Variants in AIFM3 observed in about 807,000 individuals in gnomAD.
The protein encoded by AIFM3 is apoptosis-inducing factor 3.
A neutral mutation model predicts 82.7 loss-of-function variants in AIFM3; 71 were observed. The ratio of observed to expected loss-of-function variants is 0.86; its 90% CI spans 0.71 to 1.05. The LOEUF is 1.05. Among genes scored for constraint, AIFM3 ranks in the 50% least tolerant of loss-of-function variants. The pLI is 0.00. For missense variants in AIFM3, 748 were observed against 816.7 expected (o/e 0.92, Z 1.03); for synonymous variants, 337 against 329.1 (o/e 1.02, Z -0.26).
In AIFM3 at chr22:20,981,322, A is replaced by G. The variant is rs367851; in HGVS notation, c.*291A>G. On this transcript the variant is annotated 3_prime_UTR_variant, in exon 21 of 21. Transcript: ENST00000440238. ...CCCTGAAGAACCCTGCAACACGTTA[A>G]ACATTACCGTAAAATTAAAACGCAC... The G allele has an allele frequency of 0.99, 472,761 of 475,358 alleles. 235,119 individuals are homozygous for G. Among genetic ancestry groups the G allele is most frequent in the African/African-American group, 1 (51,372 of 51,438 alleles). The allele number at this position is 475,358 out of a possible 1,614,324, so 29.4% of individuals were successfully genotyped here. A position where few individuals can be genotyped will look rare whatever the true frequency, so the allele number is the denominator to read the frequency against.
intron 1 of AIFM3, 32 bp from the exon 2 acceptor site, chr22:20,967,773 C>A: frequency 1.5e-6 from 1 of 666,118 alleles, no homozygotes; most frequent in South Asian, 1.7e-5. Flanking sequence ...GCCCACACGC[C>A]CCGGTCCTGA....
rs757449518 is a variant in AIFM3 at position 20,967,872 on chromosome 22, T to TG, written c.-67dup. Reference sequence around the variant, plus strand: ...AAGGCCTGCAGGGGGTCCAGCCCCATGGGGGGCGCCCTAGGCCTCCGACAG... The same window carrying TG: ...AAGGCCTGCAGGGGGTCCAGCCCCATGGGGGGGCGCCCTAGGCCTCCGACAG... On this transcript the variant is annotated 5_prime_UTR_variant, in exon 2 of 21. An upstream open reading frame in the 5' UTR loses its in-frame stop. Transcript: ENST00000440238. The TG allele has an allele frequency of 1.1e-5, 18 of 1,567,568 alleles. No individual in the cohort carries two copies. The highest frequency in any genetic ancestry group is 1.6e-5 in the Non-Finnish European group (18 of 1,138,700).
rs774288871 is a variant in AIFM3, at chr22:20,973,483, G to C, written c.208G>C (p.Ala70Pro). 1.2e-6 allele frequency: 2 copies of C among 1,612,912 alleles called. No individual in the cohort carries two copies. Among genetic ancestry groups the C allele is most frequent in the Non-Finnish European group, 1.7e-6 (2 of 1,179,982 alleles). The stretch of plus-strand genomic sequence containing the variant: ...CCCCAGCCCTCAGGATTGCGTGGAG[G>C]CTGCTGTCTGCCACGTCAAGGACCT... ...PYPSPQDCVE[A>P]AVCHVKDLEN... Residue 70 changes from alanine to proline, a missense_variant, in exon 3 of 21, where the codon GCT becomes CCT. By Grantham distance (27) the Ala-to-Pro change is conservative. Coordinates refer to ENST00000440238, the MANE Select transcript of AIFM3 (RefSeq NM_001386814.1).
In AIFM3 at chr22:20,974,783, G is replaced by A; in HGVS notation, c.687G>A (p.Arg229=). 6.2e-7 allele frequency: 1 copy of A among 1,613,178 alleles called. No homozygotes were observed. The highest frequency in any genetic ancestry group is 8.5e-7 in the Non-Finnish European group (1 of 1,179,910). ...GGATCGTCCTGTGCACGCTAGACCG[G>A]CACCTTCCCTACGACCGTCCCAAGC... ...SDRIVLCTLD[R]HLPYDRPKLS... is the part of the protein sequence containing the mutation. The change falls in exon 8 of 21, where the codon CGG becomes CGA. Residue 229 remains arginine (R), a synonymous_variant. Coordinates refer to ENST00000440238, the MANE Select transcript of AIFM3 (RefSeq NM_001386814.1).
intron 2 of AIFM3, among the ~76,000 whole-genome samples, chr22:20,968,361 A>G (rs981627537): frequency 6.6e-6 from 1 of 152,004 alleles, no homozygotes; most frequent in Non-Finnish European, 1.5e-5. Context: ...CATGCAAGTT[A>G]CCCCTCTGAG....
intron 19 of AIFM3, 75 bp downstream of exon 19, chr22:20,980,199 G>A (rs1924005194): frequency 1.4e-6 from 2 of 1,393,768 alleles, no homozygotes; most frequent in South Asian, 1.2e-5. Context: ...ATGACAGCCA[G>A]CCGCCCCCAC....
At position 20,976,450 on chromosome 22, in the gene AIFM3, G is replaced by T; in HGVS notation, c.942G>T (p.Val314=). Residue 314 remains valine (V), a synonymous_variant, in exon 11 of 21, where the codon GTG becomes GTT. Transcript: ENST00000440238. ...LSCKGKEVEN[V]FTIRTPEDAN... ...GCAAAGGCAAAGAAGTGGAGAACGT[G>T]TTCACTATCCGGACGCCAGAGGATG... The T allele has an allele frequency of 6.2e-7, 1 of 1,614,088 alleles. No homozygotes were observed. The highest frequency in any genetic ancestry group is 1.7e-5 in the Admixed American group (1 of 60,022).
chr22:20,974,926 A>C, intron 8 of AIFM3, 110 bp downstream of exon 8: 4 of 1,002,846 alleles, frequency 4.0e-6, no homozygotes, highest in Non-Finnish European at 5.9e-6. Context: ...CTCCCTGCTT[A>C]TGCCAGGCCT....
Position 20,976,670 on chromosome 22 carries a change from C to T in AIFM3, c.1050C>T (p.Tyr350=), listed in dbSNP as rs551098812. The T allele has an allele frequency of 1.3e-5, 21 of 1,609,940 alleles. No individual in the cohort carries two copies. In the South Asian group the frequency reaches 2.0e-4, roughly 15 times the overall value. The change falls in exon 12 of 21, where the codon TAC becomes TAT. Residue 350 remains tyrosine, a synonymous_variant. Transcript: ENST00000440238. ...AGFLGMEVAA[Y]LTEKAHSVSV... is the part of the protein sequence containing the mutation. ...CACCAGGGATGGAGGTGGCCGCTTA[C>T]CTGACGGAGAAGGCCCACTCTGTGT...
chr22:20,973,793 T>C lies in AIFM3; in HGVS notation c.281T>C (p.Leu94Ser). ...GTGGAGCTGGGCTGGGGGAAGGTGT[T>C]GCTGGTGAAGGACAATGGGGAGTTC... ...REVELGWGKV[L>S]LVKDNGEFHA... The change falls in exon 4 of 21, where the codon TTG becomes TCG. Residue 94 changes from leucine (L) to serine (S), a missense_variant. Physicochemically the swap from Leu to Ser is moderately radical, Grantham distance 145 (BLOSUM62 -2). This residue lies in a region of AIFM3 where 148 missense variants were observed against 134.1 expected (regional missense o/e 1.10). Coordinates refer to ENST00000440238, the MANE Select transcript of AIFM3 (RefSeq NM_001386814.1). 6.3e-7 allele frequency: 1 copy of C among 1,582,910 alleles called. No homozygotes were observed. The highest frequency in any genetic ancestry group is 8.6e-7 in the Non-Finnish European group (1 of 1,164,528).
At chr22:20,971,286 C>T (rs1247951919) in intron 2 of AIFM3, among the ~76,000 whole-genome samples, 2 of 152,220 alleles carry the variant, frequency 1.3e-5, no homozygotes, top group Non-Finnish European at 2.9e-5. Flanking sequence ...AAAGCCCCAC[C>T]CATAACCCCC....
At chr22:20,968,054 T>A (rs1354660240) in intron 2 of AIFM3, 79 bp downstream of exon 2, 3 of 1,447,064 alleles carry the variant, frequency 2.1e-6, no homozygotes, top group African/African-American at 2.9e-5. Context: ...CCTCCCCCTC[T>A]GCACTCGGTA....
At position 20,981,308 on chromosome 22, in the gene AIFM3, C is replaced by G. The variant is rs753609332; in HGVS notation, c.*277C>G. ...TATTGGGACTGGTCCCCTGAAGAAC[C>G]CTGCAACACGTTAAACATTACCGTA... On this transcript the variant is annotated 3_prime_UTR_variant, in exon 21 of 21. Coordinates refer to ENST00000440238, the MANE Select transcript of AIFM3 (RefSeq NM_001386814.1). 3 of 530,382 alleles carry G rather than the reference C, an allele frequency of 5.7e-6. No individual in the cohort carries two copies. The highest frequency in any genetic ancestry group is 1.0e-5 in the Non-Finnish European group (3 of 291,800). 32.9% of individuals were successfully genotyped at this position (530,382 alleles called of 1,614,324 possible).
Position 20,967,903 on chromosome 22 carries a change from C to G in AIFM3, c.-42C>G. 1.9e-6 allele frequency: 3 copies of G among 1,613,688 alleles called. No individual in the cohort carries two copies. Among genetic ancestry groups the G allele is most frequent in the Non-Finnish European group, 2.5e-6 (3 of 1,179,654 alleles). On this transcript the variant is annotated 5_prime_UTR_variant, in exon 2 of 21. Transcript: ENST00000440238. ...GCGCCCTAGGCCTCCGACAGCTCCC[C>G]ATCTGTGCTCCTGCCTGCCGGCCAT... is the stretch of plus-strand genomic sequence containing the variant.
intron 17 of AIFM3, 88 bp from the exon 18 acceptor site, chr22:20,979,539 G>A: frequency 6.5e-6 from 10 of 1,535,176 alleles, no homozygotes; most frequent in Non-Finnish European, 9.0e-6. Flanking sequence ...GTATGGAGCA[G>A]GGCCTGGGCG....
intron 2 of AIFM3, among the ~76,000 whole-genome samples, chr22:20,969,451 G>A (rs527889923): frequency 4.0e-5 from 6 of 151,240 alleles, no homozygotes; most frequent in South Asian, 4.2e-4. Context: ...TTTTTTTTGA[G>A]ACAGAGTTCA....
At chr22:20,972,442 A>G (rs1923331407) in intron 2 of AIFM3, among the ~76,000 whole-genome samples, 1 of 152,094 alleles carries the variant, frequency 6.6e-6, no homozygotes, top group East Asian at 1.9e-4. Flanking sequence ...TTATGCTGTG[A>G]ATTATGCTGT....
rs1923953896 is a variant in AIFM3 at position 20,979,639 on chromosome 22, G to A, written c.1589G>A (p.Gly530Asp). ...KSLRYAGYGE[G>D]FDDVIIQGDL... ...GCCCGGCCCACAGGCTACGGAGAAG[G>A]CTTCGACGACGTCATCATCCAGGGG... is the stretch of plus-strand genomic sequence containing the variant. The change falls in exon 18 of 21, where the codon GGC becomes GAC. Residue 530 changes from glycine (G) to aspartate (D), a missense_variant. By Grantham distance (94) the Gly-to-Asp change is moderately conservative (BLOSUM62 -1). Coordinates refer to ENST00000440238, the MANE Select transcript of AIFM3 (RefSeq NM_001386814.1). 1 of 1,614,216 alleles carries A rather than the reference G, an allele frequency of 6.2e-7. No individual in the cohort carries two copies. The highest frequency in any genetic ancestry group is 1.3e-5 in the African/African-American group (1 of 75,068).
In AIFM3 at chr22:20,977,063, T is replaced by C. The variant is rs536782098; in HGVS notation, c.1250T>C (p.Val417Ala). The C allele has an allele frequency of 6.2e-7, 1 of 1,614,124 alleles. No individual in the cohort carries two copies. The highest frequency in any genetic ancestry group is 8.5e-7 in the Non-Finnish European group (1 of 1,180,008). The change falls in exon 14 of 21, where the codon GTC becomes GCC. Residue 417 changes from valine (V) to alanine (A), a missense_variant. By Grantham distance (64) the Val-to-Ala change is moderately conservative. This residue lies in a region of AIFM3 where 393 missense variants were observed against 481.1 expected (regional missense o/e 0.82). Coordinates refer to ENST00000440238, the MANE Select transcript of AIFM3 (RefSeq NM_001386814.1). ...LKEVVLKSSK[V>A]VRADVCVVGI... ...GAGGTTGTGCTGAAGAGCAGCAAGGTCGTGCGGGCTGACGTCTGCGTGGTG... is the reference window on the plus strand; with the variant it reads ...GAGGTTGTGCTGAAGAGCAGCAAGGCCGTGCGGGCTGACGTCTGCGTGGTG...
Sources: allele counts gnomAD v4.1 joint callset (sites outside exome capture counted in the v4.1 genomes callset), GRCh38; gene constraint gnomAD v4.1.1; regional missense constraint gnomAD v4.1.1; transcripts MANE v1.5; gene names NCBI Gene and HGNC (gene_info 2026-07-23, HGNC 2026-07-21).